The following ERVV-2 variants were observed in gnomAD, a reference collection of about 807,000 sequenced individuals.
ERVV-2 encodes endogenous retrovirus group V member 2 Env polyprotein.
For synonymous variants in ERVV-2, 105 were observed against 184.6 expected (o/e 0.57, Z 3.49); for missense variants, 291 against 495.1 (o/e 0.59, Z 3.91).
Position 53,049,189 on chromosome 19 carries a change from A to G in ERVV-2, c.-63A>G. On this transcript the variant is annotated 5_prime_UTR_variant, in exon 2 of 2. Transcript: ENST00000601417. Reference sequence around the variant, plus strand: ...AAACACTCCATCGAACCACTTCATTATTTGTCTCTCCTATTTTCAGCACTT... The same window carrying G: ...AAACACTCCATCGAACCACTTCATTGTTTGTCTCTCCTATTTTCAGCACTT... 1 of 1,117,840 alleles carries G rather than the reference A, an allele frequency of 8.9e-7. No individual in the cohort carries two copies. The highest frequency in any genetic ancestry group is 1.5e-5 in the South Asian group (1 of 68,098). 69.2% of individuals were successfully genotyped at this position (1,117,840 alleles called of 1,614,324 possible). A position where few individuals can be genotyped will look rare whatever the true frequency, so the allele number is the denominator to read the frequency against.
rs2083905886 is a variant in ERVV-2, at chr19:53,050,039, A to G, written c.788A>G (p.Asn263Ser). The stretch of plus-strand genomic sequence containing the variant: ...GTATTTTTATGTGGGCCACAAAAAA[A>G]TAAACTGCCCTTTGATGGAAGTCCT... Reference protein sequence around the residue: ...GYVFLCGPQKNKLPFDGSPKI... With the variant: ...GYVFLCGPQKSKLPFDGSPKI... The change falls in exon 2 of 2, where the codon AAT (asparagine) becomes AGT (serine). Residue 263 changes from asparagine (N) to serine (S), a missense_variant. Coordinates refer to ENST00000601417, the MANE Select transcript of ERVV-2 (RefSeq NM_001191055.2). 3 of 1,475,422 alleles carry G rather than the reference A, an allele frequency of 2.0e-6. No homozygotes were observed. Among genetic ancestry groups the G allele is most frequent in the Non-Finnish European group, 1.8e-6 (2 of 1,103,844 alleles). The allele number at this position is 1,475,422 out of a possible 1,614,324, so 91.4% of individuals were successfully genotyped here. A position where few individuals can be genotyped will look rare whatever the true frequency, so the allele number is the denominator to read the frequency against.
chr19:53,047,098 G>A (rs1253916131), intron 1 of ERVV-2, among the ~76,000 whole-genome samples: 1 of 152,108 alleles, frequency 6.6e-6, no homozygotes, highest in East Asian at 1.9e-4. Flanking sequence ...CACAGAGGTT[G>A]CAGTGAGCTG....
chr19:53,048,789 A>T (rs904223714), intron 1 of ERVV-2, 78 bp from the exon 2 acceptor site: 1 of 246,956 alleles, frequency 4.0e-6, no homozygotes, highest in Non-Finnish European at 7.7e-6. Context: ...GGGTCAAAAA[A>T]CCTGGAGAGA....
At position 53,050,175 on chromosome 19, in the gene ERVV-2, GACCATTTATAACACCACCCA is replaced by G. The variant is rs2083906587; in HGVS notation, c.928_947del (p.Ile310GlnfsTer30). The G allele has an allele frequency of 1.1e-5, 15 of 1,401,850 alleles. 1 individual carries two copies. Among genetic ancestry groups the G allele is most frequent in the Non-Finnish European group, 1.5e-5 (15 of 1,032,928 alleles). 86.8% of individuals were successfully genotyped at this position (1,401,850 alleles called of 1,614,324 possible). A position where few individuals can be genotyped will look rare whatever the true frequency, so the allele number is the denominator to read the frequency against. ...TTTTGGGACCACGGGGGATAGGTGT[GACCATTTATAACACCACCCA>G]ACCCAGACAGAAAAGAGCTCTGGGT... On this transcript the variant is annotated frameshift_variant, in exon 2 of 2. Transcript: ENST00000601417. LOFTEE classifies it low-confidence loss of function (END_TRUNC).
Position 53,050,483 on chromosome 19 carries a change from A to G in ERVV-2, c.1232A>G (p.Asn411Ser), listed in dbSNP as rs906974364. The G allele has an allele frequency of 1.4e-6, 1 of 722,238 alleles. No homozygotes were observed. The highest frequency in any genetic ancestry group is 2.5e-6 in the Non-Finnish European group (1 of 402,676). 44.7% of individuals were successfully genotyped at this position (722,238 alleles called of 1,614,324 possible). A position where few individuals can be genotyped will look rare whatever the true frequency, so the allele number is the denominator to read the frequency against. The stretch of plus-strand genomic sequence containing the variant: ...AATAAATCCTGTTGCGTTTATGTCA[A>G]TAACAGTGGGGCGATAGAGGAGGAT... ...VINKSCCVYV[N>S]NSGAIEEDIK... is the part of the protein sequence containing the mutation. Residue 411 changes from asparagine to serine, a missense_variant, in exon 2 of 2, where the codon AAT becomes AGT. By Grantham distance (46) the Asn-to-Ser change is conservative (BLOSUM62 1). Coordinates refer to ENST00000601417, the MANE Select transcript of ERVV-2 (RefSeq NM_001191055.2).
At chr19:53,048,623 C>T (rs1191704451) in intron 1 of ERVV-2, among the ~76,000 whole-genome samples, 4 of 138,764 alleles carry the variant, frequency 2.9e-5, no homozygotes, top group African/African-American at 1.1e-4. Context: ...TGCGGTGAGC[C>T]GAGATCCCGC....
Position 53,050,636 on chromosome 19 carries a change from G to A in ERVV-2, c.1385G>A (p.Gly462Glu), listed in dbSNP as rs1427552669. The change falls in exon 2 of 2, where the codon GGA (glycine) becomes GAA (glutamate). Residue 462 changes from glycine (G) to glutamate (E), a missense_variant. Physicochemically the swap from Gly to Glu is moderately conservative, Grantham distance 98. Transcript: ENST00000601417. ...PSLNWFVPLL[G>E]PATVILLLFL... ...CTCAACTGGTTTGTCCCTTTACTGG[G>A]ACCAGCAACAGTTATACTCTTACTT... is the stretch of plus-strand genomic sequence containing the variant. 2.2e-6 allele frequency: 3 copies of A among 1,374,536 alleles called. No homozygotes were observed. The highest frequency in any genetic ancestry group is 1.0e-6 in the Non-Finnish European group (1 of 1,000,150). 85.1% of individuals were successfully genotyped at this position (1,374,536 alleles called of 1,614,324 possible).
In ERVV-2 at chr19:53,049,274, T is replaced by G; in HGVS notation, c.23T>G (p.Leu8Arg). The change falls in exon 2 of 2, where the codon CTT (leucine) becomes CGT (arginine). Residue 8 changes from leucine to arginine, a missense_variant. Coordinates refer to ENST00000601417, the MANE Select transcript of ERVV-2 (RefSeq NM_001191055.2). MTEKFLF[L>R]YLSLLPMPLL... is the part of the protein sequence containing the mutation. ...GCTATGACAGAGAAATTCCTTTTCC[T>G]TTATCTTTCCCTCCTTCCCATGCCC... 1 of 932,512 alleles carries G rather than the reference T, an allele frequency of 1.1e-6. No homozygotes were observed. Among genetic ancestry groups the G allele is most frequent in the Non-Finnish European group, 1.6e-6 (1 of 628,150 alleles). The allele number at this position is 932,512 out of a possible 1,614,324, so 57.8% of individuals were successfully genotyped here. A position where few individuals can be genotyped will look rare whatever the true frequency, so the allele number is the denominator to read the frequency against.
chr19:53,050,607 C>A lies in ERVV-2; in HGVS notation c.1356C>A (p.Pro452=). The change falls in exon 2 of 2, where the codon CCC becomes CCA. Residue 452 remains proline (P), a synonymous_variant. Transcript: ENST00000601417. ...GGGAGGCTGTGAAGTCTGCCCTCCC[C>A]TCCCTCAACTGGTTTGTCCCTTTAC... is the stretch of plus-strand genomic sequence containing the variant. ...AIWEAVKSAL[P]SLNWFVPLLG... The A allele has an allele frequency of 8.8e-7, 1 of 1,137,268 alleles. No individual in the cohort carries two copies. The highest frequency in any genetic ancestry group is 1.3e-6 in the Non-Finnish European group (1 of 783,076). The allele number at this position is 1,137,268 out of a possible 1,614,324, so 70.4% of individuals were successfully genotyped here. A position where few individuals can be genotyped will look rare whatever the true frequency, so the allele number is the denominator to read the frequency against.
rs1365038911 is a variant in ERVV-2, at chr19:53,050,624, TC to T, written c.1376del (p.Pro459LeufsTer23). The stretch of plus-strand genomic sequence containing the variant: ...GCCCTCCCCTCCCTCAACTGGTTTG[TC>T]CCTTTACTGGGACCAGCAACAGTTA... ...KSALPSLNWF[V>X]PLLGPATVIL... is the part of the protein sequence containing the mutation. On this transcript the variant is annotated frameshift_variant, in exon 2 of 2. Coordinates refer to ENST00000601417, the MANE Select transcript of ERVV-2 (RefSeq NM_001191055.2). LOFTEE classifies it low-confidence loss of function (END_TRUNC). The T allele has an allele frequency of 7.8e-7, 1 of 1,282,090 alleles. No individual in the cohort carries two copies. The highest frequency in any genetic ancestry group is 1.1e-6 in the Non-Finnish European group (1 of 915,736). 79.4% of individuals were successfully genotyped at this position (1,282,090 alleles called of 1,614,324 possible).
chr19:53,047,315 T>A (rs1395612192), intron 1 of ERVV-2, among the ~76,000 whole-genome samples: 9 of 152,110 alleles, frequency 5.9e-5, no homozygotes, highest in Admixed American at 5.9e-4. Context: ...GCCACTGCAC[T>A]CCAGCCTGGG....
At chr19:53,047,657 T>A (rs1398818391) in intron 1 of ERVV-2, among the ~76,000 whole-genome samples, 1 of 152,170 alleles carries the variant, frequency 6.6e-6, no homozygotes, top group Non-Finnish European at 1.5e-5. Flanking sequence ...GGGAGAGGCA[T>A]GAGACACCTC....
Position 53,051,156 on chromosome 19 carries a change from T to C in ERVV-2, c.*297T>C, listed in dbSNP as rs2083912549. 6.2e-6 allele frequency: 1 copy of C among 162,296 alleles called. No homozygotes were observed. Among genetic ancestry groups the C allele is most frequent in the Non-Finnish European group, 1.1e-5 (1 of 87,288 alleles). The allele number at this position is 162,296 out of a possible 1,614,324, so 10.1% of individuals were successfully genotyped here. On this transcript the variant is annotated 3_prime_UTR_variant, in exon 2 of 2. Transcript: ENST00000601417. ...TTTTGCTTTTTTTTTTTTTTTTTTT[T>C]TTTTTTTTGAGACAAGTTCTTGCTC...
At chr19:53,048,425 C>A (rs1489506087) in intron 1 of ERVV-2, among the ~76,000 whole-genome samples, 1 of 150,820 alleles carries the variant, frequency 6.6e-6, no homozygotes, top group Non-Finnish European at 1.5e-5. Context: ...TGCCTGTAAT[C>A]CCAGTACTTT....
intron 1 of ERVV-2, among the ~76,000 whole-genome samples, chr19:53,047,289 C>T (rs969327056): frequency 4.6e-5 from 7 of 150,718 alleles, no homozygotes; most frequent in South Asian, 2.1e-4. Context: ...CGGAGGTTAC[C>T]GTGAGCCAAG....
At chr19:53,047,416 G>C (rs556859035) in intron 1 of ERVV-2, among the ~76,000 whole-genome samples, 69 of 152,304 alleles carry the variant, frequency 4.5e-4, no homozygotes, top group African/African-American at 1.5e-3. Flanking sequence ...GCTTCCTGCA[G>C]AACCAAGGTC....
At position 53,047,633 on chromosome 19, in the gene ERVV-2, A is replaced by G. The variant is rs144272662; in HGVS notation, c.-385-1234A>G. On this transcript the variant is annotated intron_variant, in intron 1 of 1. Transcript: ENST00000601417. ...ATTCCAGAGCTCCAAGGTGAAGGAC[A>G]CTTCACCCTTGCAGGGAGAGGCATG... Among the ~76,000 whole-genome samples, 1,054 of 152,324 alleles carry G rather than the reference A, an allele frequency of 6.9e-3. 8 individuals are homozygous for G. The highest frequency in any genetic ancestry group is 0.022 in the African/African-American group (927 of 41,574).
Position 53,050,573 on chromosome 19 carries a change from G to C in ERVV-2, c.1322G>C (p.Arg441Thr). Residue 441 changes from arginine (R) to threonine (T), a missense_variant, in exon 2 of 2, where the codon AGG (arginine) becomes ACG (threonine). Physicochemically the swap from Arg to Thr is moderately conservative, Grantham distance 71. Transcript: ENST00000601417. The part of the protein sequence containing the change: ...HDFGKGGASA[R>T]AIWEAVKSAL... Reference sequence around the variant, plus strand: ...TTTGGAAAAGGAGGTGCTTCAGCAAGGGCCATCTGGGAGGCTGTGAAGTCT... The same window carrying C: ...TTTGGAAAAGGAGGTGCTTCAGCAACGGCCATCTGGGAGGCTGTGAAGTCT... The C allele has an allele frequency of 1.2e-6, 1 of 864,722 alleles. No homozygotes were observed. The highest frequency in any genetic ancestry group is 1.9e-6 in the Non-Finnish European group (1 of 533,168). 53.6% of individuals were successfully genotyped at this position (864,722 alleles called of 1,614,324 possible).
In ERVV-2 at chr19:53,050,531, C is replaced by T. The variant is rs989105714; in HGVS notation, c.1280C>T (p.Ala427Val). 68 of 737,302 alleles carry T rather than the reference C, an allele frequency of 9.2e-5. No individual in the cohort carries two copies. Among genetic ancestry groups the T allele is most frequent in the Non-Finnish European group, 1.3e-4 (55 of 416,574 alleles). 45.7% of individuals were successfully genotyped at this position (737,302 alleles called of 1,614,324 possible). A position where few individuals can be genotyped will look rare whatever the true frequency, so the allele number is the denominator to read the frequency against. The change falls in exon 2 of 2, where the codon GCT becomes GTT. Residue 427 changes from alanine (A) to valine (V), a missense_variant. Ala to Val is a moderately conservative substitution (Grantham distance 64, BLOSUM62 0). Coordinates refer to ENST00000601417, the MANE Select transcript of ERVV-2 (RefSeq NM_001191055.2). ...EEDIKKIYDE[A>V]TWLHDFGKGG... ...GATATAAAAAAGATCTATGATGAGG[C>T]TACGTGGCTCCATGACTTTGGAAAA...
Sources: gnomAD v4.1 joint callset for allele counts (sites outside exome capture counted in the v4.1 genomes callset) on GRCh38, gnomAD v4.1.1 for gene constraint, MANE v1.5 for transcripts, NCBI Gene and HGNC (gene_info 2026-07-23, HGNC 2026-07-21) for gene names.